Variants in HERPUD2 observed in about 807,000 individuals in gnomAD.
HERPUD2 encodes the protein HERPUD family member 2, also known as homocysteine-responsive endoplasmic reticulum-resident ubiquitin-like domain member 2 protein.
A neutral mutation model predicts 49.9 loss-of-function variants in HERPUD2; 13 were observed. The ratio of observed to expected loss-of-function variants is 0.26; its 90% CI spans 0.17 to 0.41. The LOEUF is 0.41. Among genes scored for constraint, HERPUD2 ranks in the 10% least tolerant of loss-of-function variants. The pLI, the probability that HERPUD2 is intolerant of heterozygous loss-of-function variation, is 1.00. For missense variants in HERPUD2, 449 were observed against 492.2 expected (o/e 0.91, Z 0.83); for synonymous variants, 172 against 171.4 (o/e 1.00, Z -0.03).
intron 4 of HERPUD2, 29 bp downstream of exon 4, chr7:35,670,186 C>A (rs1785613860): frequency 2.7e-6 from 3 of 1,127,916 alleles, no homozygotes; most frequent in South Asian, 3.2e-5. Flanking sequence ...AAGAAAAGTT[C>A]AATGTTTACT....
chr7:35,635,491 A>G (rs780948572), intron 6 of HERPUD2, 33 bp from the exon 7 acceptor site: 11 of 1,537,870 alleles, frequency 7.2e-6, no homozygotes, highest in Non-Finnish European at 9.7e-6. Flanking sequence ...TATTAAAAAG[A>G]AAAAAAAACT....
At chr7:35,670,661 T>A (rs1458686513) in intron 3 of HERPUD2, among the ~76,000 whole-genome samples, 1 of 152,106 alleles carries the variant, frequency 6.6e-6, no homozygotes, top group Non-Finnish European at 1.5e-5. Flanking sequence ...TCTAGCACCT[T>A]AAACTTTTTA....
At chr7:35,655,131 G>A (rs190535541) in intron 5 of HERPUD2, among the ~76,000 whole-genome samples, 45 of 152,238 alleles carry the variant, frequency 3.0e-4, no homozygotes, top group Non-Finnish European at 5.3e-4. Flanking sequence ...GGGATTACAC[G>A]CATGAGCCAC....
At chr7:35,649,965 G>A (rs988465110) in intron 5 of HERPUD2, among the ~76,000 whole-genome samples, 2 of 151,970 alleles carry the variant, frequency 1.3e-5, no homozygotes, top group African/African-American at 4.8e-5. Context: ...TCCGGGCTAA[G>A]AGGAGAGGTC....
intron 5 of HERPUD2, among the ~76,000 whole-genome samples, chr7:35,665,755 A>C (rs1424048986): frequency 1.3e-5 from 2 of 152,218 alleles, no homozygotes; most frequent in African/African-American, 4.8e-5. Context: ...AGATTTTTCT[A>C]ATCAGCTTAA....
At chr7:35,674,911 CTT>C (rs1283796424) in intron 2 of HERPUD2, among the ~76,000 whole-genome samples, 1 of 152,098 alleles carries the variant, frequency 6.6e-6, no homozygotes, top group East Asian at 1.9e-4. Context: ...CATTTGTATC[CTT>C]TGTAATAATA....
chr7:35,663,341 G>T (rs543766479), intron 5 of HERPUD2, among the ~76,000 whole-genome samples: 1 of 152,270 alleles, frequency 6.6e-6, no homozygotes, highest in African/African-American at 2.4e-5. Flanking sequence ...CAATTTTGGA[G>T]TAAGTGTGAT....
rs1418379488 is a variant in HERPUD2 at position 35,686,730 on chromosome 7, A to AC, written c.147+7453_147+7454insG. On this transcript the variant is annotated intron_variant, in intron 2 of 8. Coordinates refer to ENST00000311350, the MANE Select transcript of HERPUD2 (RefSeq NM_022373.5). ...CGACACTCCGTCTCAAAAAAAAAAA[A>AC]AAAAAAAAAAAAAAACCAAACCCAT... 4.9e-5 allele frequency among the ~76,000 whole-genome samples: 5 copies of AC among 102,278 alleles called. 2 individuals are homozygous for AC. The highest frequency in any genetic ancestry group is 7.4e-4 in the East Asian group (2 of 2,714). 67.1% of individuals were successfully genotyped at this position (102,278 alleles called of 152,430 possible). A position where few individuals can be genotyped will look rare whatever the true frequency, so the allele number is the denominator to read the frequency against.
chr7:35,675,494 T>C (rs1785741857), intron 2 of HERPUD2, among the ~76,000 whole-genome samples: 1 of 152,208 alleles, frequency 6.6e-6, no homozygotes, highest in Non-Finnish European at 1.5e-5. Flanking sequence ...TCATAAACTA[T>C]CACTTTTTTA....
At chr7:35,658,687 C>G (rs536527908) in intron 5 of HERPUD2, among the ~76,000 whole-genome samples, 1 of 152,280 alleles carries the variant, frequency 6.6e-6, no homozygotes, top group African/African-American at 2.4e-5. Context: ...GTTACTATTT[C>G]AGCAGGAAAA....
intron 2 of HERPUD2, among the ~76,000 whole-genome samples, chr7:35,676,783 TAATA>T (rs1366349076): frequency 2.6e-5 from 4 of 152,340 alleles, no homozygotes; most frequent in South Asian, 4.1e-4. Context: ...CTAATGACAC[TAATA>T]AATACCTGCC....
chr7:35,653,585 C>A (rs529652632), intron 5 of HERPUD2, among the ~76,000 whole-genome samples: 1 of 151,742 alleles, frequency 6.6e-6, no homozygotes, highest in African/African-American at 2.4e-5. Flanking sequence ...CAGAACATTT[C>A]ATCCAACAGG....
Position 35,695,024 on chromosome 7 carries a change from G to A in HERPUD2, c.-521C>T. The A allele has an allele frequency of 7.9e-6, 1 of 127,268 alleles. No individual in the cohort carries two copies. The highest frequency in any genetic ancestry group is 1.8e-5 in the Non-Finnish European group (1 of 55,646). The allele number at this position is 127,268 out of a possible 1,614,324, so 7.9% of individuals were successfully genotyped here. A position where few individuals can be genotyped will look rare whatever the true frequency, so the allele number is the denominator to read the frequency against. ...CGCCTGACCCCTCAGTCTGGACAGCGCAGGGTGGCGGCAAGGCAGGGCTGG... is the reference window on the plus strand; with the variant it reads ...CGCCTGACCCCTCAGTCTGGACAGCACAGGGTGGCGGCAAGGCAGGGCTGG... On this transcript the variant is annotated 5_prime_UTR_variant, in exon 1 of 9. Coordinates refer to ENST00000311350, the MANE Select transcript of HERPUD2 (RefSeq NM_022373.5).
intron 5 of HERPUD2, among the ~76,000 whole-genome samples, chr7:35,653,308 TA>T (rs1330153821): frequency 2.0e-5 from 3 of 152,192 alleles, no homozygotes; most frequent in Admixed American, 6.5e-5. Context: ...GACTTTAATT[TA>T]AAAACAGTAA....
At chr7:35,684,186 A>G (rs2116029025) in intron 2 of HERPUD2, among the ~76,000 whole-genome samples, 1 of 152,282 alleles carries the variant, frequency 6.6e-6, no homozygotes, top group East Asian at 1.9e-4. Context: ...GGAGATCAAC[A>G]CCACCCTGGC....
chr7:35,676,130 A>C (rs1161288426), intron 2 of HERPUD2, among the ~76,000 whole-genome samples: 3 of 152,252 alleles, frequency 2.0e-5, no homozygotes, highest in African/African-American at 7.2e-5. Context: ...AATCCAAATA[A>C]GGTTCACACA....
At chr7:35,669,403 T>C (rs1785601272) in intron 4 of HERPUD2, among the ~76,000 whole-genome samples, 1 of 152,198 alleles carries the variant, frequency 6.6e-6, no homozygotes, top group Non-Finnish European at 1.5e-5. Context: ...TTGTGCTCTC[T>C]TTCAAGCTTT....
At chr7:35,679,415 TA>T (rs1171978616) in intron 2 of HERPUD2, among the ~76,000 whole-genome samples, 2 of 152,178 alleles carry the variant, frequency 1.3e-5, no homozygotes, top group African/African-American at 4.8e-5. Context: ...CTACACCTAC[TA>T]AACAGAACAG....
intron 2 of HERPUD2, among the ~76,000 whole-genome samples, chr7:35,681,310 A>C (rs1485360064): frequency 6.6e-6 from 1 of 152,212 alleles, no homozygotes; most frequent in Non-Finnish European, 1.5e-5. Context: ...CATAAAGCAA[A>C]AACAAGTATG....
Sources: gnomAD v4.1 joint callset for allele counts (sites outside exome capture counted in the v4.1 genomes callset) on GRCh38, gnomAD v4.1.1 for gene constraint, MANE v1.5 for transcripts, NCBI Gene and HGNC (gene_info 2026-07-23, HGNC 2026-07-21) for gene names.